The following TIAM1 variants were observed in gnomAD, a reference collection of about 807,000 sequenced individuals.
The protein encoded by TIAM1 is rho guanine nucleotide exchange factor TIAM1.
Under a neutral mutation model 163.5 loss-of-function variants are expected in TIAM1, and 65 were observed. That is an observed-to-expected ratio of 0.40 (90% CI 0.33 to 0.49). TIAM1 has a LOEUF of 0.49. Ranked by LOEUF, TIAM1 falls within the 20% of genes least tolerant of loss-of-function variation. TIAM1 has a pLI of 0.77. For missense variants in TIAM1, 1,789 were observed against 2,044.7 expected (o/e 0.87, Z 2.41); for synonymous variants, 833 against 810.1 (o/e 1.03, Z -0.48).
At chr21:31,358,078 G>T (rs142688324) in intron 2 of TIAM1, among the ~76,000 whole-genome samples, 1 of 152,134 alleles carries the variant, frequency 6.6e-6, no homozygotes, top group Admixed American at 6.5e-5. Context: ...GTCCAGCTAC[G>T]GGGGCTGTGG....
chr21:31,346,398 C>T (rs908379729), upstream of TIAM1, among the ~76,000 whole-genome samples: 14 of 152,180 alleles, frequency 9.2e-5, no homozygotes, highest in Admixed American at 5.2e-4. Flanking sequence ...AAAGCAGACA[C>T]TGAGATCAGA....
intron 2 of TIAM1, among the ~76,000 whole-genome samples, chr21:31,405,018 G>A (rs1219879319): frequency 6.6e-6 from 1 of 152,080 alleles, no homozygotes; most frequent in Non-Finnish European, 1.5e-5. Flanking sequence ...GAGGCAGGAG[G>A]AATGCTTGAG....
chr21:31,376,376 A>G (rs112015054), intron 2 of TIAM1, among the ~76,000 whole-genome samples: 63 of 152,200 alleles, frequency 4.1e-4, no homozygotes, highest in African/African-American at 1.2e-3. Flanking sequence ...CTCGCACTCC[A>G]CGGTATGCAG....
At chr21:31,335,663 C>T (rs1016593816) in intron 2 of TIAM1, among the ~76,000 whole-genome samples, 2 of 151,456 alleles carry the variant, frequency 1.3e-5, no homozygotes, top group African/African-American at 4.9e-5. Context: ...CGAGATCACA[C>T]CACTGCACTC....
intron 1 of TIAM1, among the ~76,000 whole-genome samples, chr21:31,539,106 A>G (rs967481): frequency 0.99 from 150,623 of 152,216 alleles, 74,529 homozygotes; most frequent in East Asian, 1. Flanking sequence ...ACTCTTAAAC[A>G]TCCATTTGCC....
chr21:31,189,209 C>A (rs2085443670), intron 13 of TIAM1, among the ~76,000 whole-genome samples: 1 of 151,706 alleles, frequency 6.6e-6, no homozygotes, highest in Admixed American at 6.6e-5. Context: ...CACACACCAC[C>A]ACACTCAGCT....
intron 2 of TIAM1, among the ~76,000 whole-genome samples, chr21:31,290,276 G>A (rs1178154759): frequency 6.6e-6 from 1 of 151,936 alleles, no homozygotes; most frequent in Non-Finnish European, 1.5e-5. Flanking sequence ...AGGAAATACA[G>A]GGCCGATCTG....
intron 2 of TIAM1, among the ~76,000 whole-genome samples, chr21:31,306,478 T>G (rs562141161): frequency 6.6e-6 from 1 of 152,172 alleles, no homozygotes; most frequent in East Asian, 1.9e-4. Context: ...AATAATAACT[T>G]CACAACTGGG....
At chr21:31,543,463 G>C (rs893306616) in intron 1 of TIAM1, among the ~76,000 whole-genome samples, 5 of 152,050 alleles carry the variant, frequency 3.3e-5, no homozygotes, top group Admixed American at 6.6e-5. Flanking sequence ...TTTGCGGTCT[G>C]GCAAGTGTCC....
At chr21:31,152,351 T>G (rs1219243001) in intron 19 of TIAM1, among the ~76,000 whole-genome samples, 1 of 152,194 alleles carries the variant, frequency 6.6e-6, no homozygotes, top group East Asian at 1.9e-4. Flanking sequence ...CTATTCTAAT[T>G]CACTGATAGC....
intron 2 of TIAM1, among the ~76,000 whole-genome samples, chr21:31,295,469 C>CAAAAAAAAA (rs1215751004): frequency 1.5e-5 from 1 of 66,004 alleles, no homozygotes; most frequent in African/African-American, 5.4e-5. Context: ...GACTCCATCA[C>CAAAAAAAAA]AAAAAAAAAA....
intron 2 of TIAM1, among the ~76,000 whole-genome samples, chr21:31,332,999 TGA>T (rs150382132): frequency 0.047 from 7,228 of 152,246 alleles, 562 homozygotes; most frequent in African/African-American, 0.16. Context: ...CTCAGGAGGC[TGA>T]GGCAGGAGGA....
At chr21:31,207,920 T>C (rs10483004) in intron 11 of TIAM1, among the ~76,000 whole-genome samples, 18,551 of 152,186 alleles carry the variant, frequency 0.12, 3,593 homozygotes, top group African/African-American at 0.41. Flanking sequence ...TTGTTCCACA[T>C]CACGTTGTTT....
chr21:31,429,407 A>G (rs2043917244), intron 2 of TIAM1, among the ~76,000 whole-genome samples: 1 of 152,176 alleles, frequency 6.6e-6, no homozygotes, highest in South Asian at 2.1e-4. Context: ...ATCTGTCCCA[A>G]GGAAATGATC....
rs1419047451 is a variant in TIAM1, at chr21:31,253,013, A to G, written c.964-824T>C. 2.6e-5 allele frequency among the ~76,000 whole-genome samples: 4 copies of G among 152,258 alleles called. No homozygotes were observed. In the East Asian group the frequency reaches 7.7e-4, roughly 29 times the overall value. ...GGGTATCAGTTCCCAGTTTAAAAAC[A>G]TTGGGAACTTCCAAAGCTGCTTCTG... is the stretch of plus-strand genomic sequence containing the variant. On this transcript the variant is annotated intron_variant, in intron 4 of 27. Coordinates refer to ENST00000541036, the MANE Select transcript of TIAM1 (RefSeq NM_001353694.2).
chr21:31,462,105 T>G (rs2045350056), intron 2 of TIAM1, among the ~76,000 whole-genome samples: 1 of 152,212 alleles, frequency 6.6e-6, no homozygotes, highest in South Asian at 2.1e-4. Flanking sequence ...TTGTTTCTCT[T>G]CTAACCCAAA....
chr21:31,263,427 G>C (rs549357808), intron 4 of TIAM1, among the ~76,000 whole-genome samples: 3 of 152,298 alleles, frequency 2.0e-5, no homozygotes, highest in African/African-American at 7.2e-5. Flanking sequence ...GATTTTATGA[G>C]ACACCACCTT....
intron 1 of TIAM1, among the ~76,000 whole-genome samples, chr21:31,529,748 G>C (rs2047913146): frequency 6.6e-6 from 1 of 150,528 alleles, no homozygotes; most frequent in African/African-American, 2.4e-5. Context: ...TAAACTTAAA[G>C]TCCATGAACT....
intron 2 of TIAM1, among the ~76,000 whole-genome samples, chr21:31,296,720 G>C (rs966246227): frequency 6.6e-6 from 1 of 151,904 alleles, no homozygotes; most frequent in Admixed American, 6.6e-5. Context: ...CTGGAGTGCA[G>C]TGGTGCGATC....
Sources: gnomAD v4.1 joint callset for allele counts (sites outside exome capture counted in the v4.1 genomes callset) on GRCh38, gnomAD v4.1.1 for gene constraint, MANE v1.5 for transcripts, NCBI Gene and HGNC (gene_info 2026-07-23, HGNC 2026-07-21) for gene names.